ZFPM2: variants seen among roughly 807,000 people sequenced by gnomAD.
ZFPM2 encodes zinc finger protein ZFPM2.
Under a neutral mutation model 98.6 loss-of-function variants are expected in ZFPM2, and 20 were observed. The ratio of observed to expected loss-of-function variants is 0.20; its 90% CI spans 0.14 to 0.29. ZFPM2 has a LOEUF of 0.29. ZFPM2 is among the 10% of genes least tolerant of loss of function. The pLI is 1.00. For synonymous variants in ZFPM2, 518 were observed against 502.7 expected, an observed-to-expected ratio of 1.03 and a Z score of -0.41; for missense variants, 1,310 against 1,388.6, an observed-to-expected ratio of 0.94 and a Z score of 0.90.
chr8:105,579,732 T>A (rs1445101746), intron 4 of ZFPM2, among the ~76,000 whole-genome samples: 1 of 152,140 alleles, frequency 6.6e-6, no homozygotes, highest in East Asian at 1.9e-4. Context: ...TTTGCGTAAA[T>A]CCCCTTAGTG....
chr8:105,493,737 T>G (rs1813401687), intron 3 of ZFPM2, among the ~76,000 whole-genome samples: 1 of 152,192 alleles, frequency 6.6e-6, no homozygotes. Context: ...GACAAGCAGT[T>G]AATCTGTCCA....
At chr8:105,616,781 G>A (rs1478117423) in intron 4 of ZFPM2, 6 of 258,094 alleles carry the variant, frequency 2.3e-5, no homozygotes, top group Non-Finnish European at 4.6e-5. Context: ...ACTTTGGGAG[G>A]CCCAGGCGGG....
At chr8:105,658,800 T>C (rs550732239) in intron 5 of ZFPM2, among the ~76,000 whole-genome samples, 2 of 152,214 alleles carry the variant, frequency 1.3e-5, no homozygotes, top group Admixed American at 1.3e-4. Flanking sequence ...TTAATTGCCT[T>C]CCACAAAGCA....
intron 5 of ZFPM2, among the ~76,000 whole-genome samples, chr8:105,756,307 C>T (rs1812596081): frequency 6.6e-6 from 1 of 152,210 alleles, no homozygotes; most frequent in African/African-American, 2.4e-5. Context: ...CCACAGACTT[C>T]TCAGGGGTTG....
At chr8:105,324,954 G>A (rs1812088503) in intron 1 of ZFPM2, among the ~76,000 whole-genome samples, 1 of 151,902 alleles carries the variant, frequency 6.6e-6, no homozygotes, top group Admixed American at 6.6e-5. Context: ...TTTCTTAAAT[G>A]TAATCTTTGT....
chr8:105,444,314 A>G lies in ZFPM2; in HGVS notation c.234A>G (p.Ser78=). ...DDEGIQETAE[S]DGDTQSEKPG... Reference sequence around the variant, plus strand: ...AAGGAATCCAGGAGACAGCAGAATCAGATGGGGACACACAGTCAGAGAAAC... The same window carrying G: ...AAGGAATCCAGGAGACAGCAGAATCGGATGGGGACACACAGTCAGAGAAAC... The change falls in exon 3 of 8, where the codon TCA becomes TCG. Residue 78 remains serine, a synonymous_variant. Transcript: ENST00000407775. The G allele has an allele frequency of 6.2e-7, 1 of 1,612,294 alleles. No homozygotes were observed. The highest frequency in any genetic ancestry group is 8.5e-7 in the Non-Finnish European group (1 of 1,179,184).
At chr8:105,506,855 G>A (rs1007961579) in intron 3 of ZFPM2, among the ~76,000 whole-genome samples, 2 of 151,564 alleles carry the variant, frequency 1.3e-5, no homozygotes, top group Non-Finnish European at 3.0e-5. Flanking sequence ...AGGTGTAGTG[G>A]CGGGTGCCTG....
chr8:105,720,793 C>G (rs1459269159), intron 5 of ZFPM2, among the ~76,000 whole-genome samples: 1 of 151,830 alleles, frequency 6.6e-6, no homozygotes, highest in Non-Finnish European at 1.5e-5. Flanking sequence ...GCTCTATCAC[C>G]TGGATGAAAT....
At position 105,330,569 on chromosome 8, in the gene ZFPM2, C is replaced by CAT. The variant is rs56134125; in HGVS notation, c.40+11598_40+11599dup. ...ATATATATACATATATATATATATA[C>CAT]ATATATATATACATATATATATATA... On this transcript the variant is annotated intron_variant, in intron 1 of 7. Transcript: ENST00000407775. Among the ~76,000 whole-genome samples, 513 of 52,636 alleles carry CAT rather than the reference C, an allele frequency of 9.7e-3. 7 individuals are homozygous for CAT. The highest frequency in any genetic ancestry group is 0.026 in the African/African-American group (468 of 17,686). 34.5% of individuals were successfully genotyped at this position (52,636 alleles called of 152,430 possible). A position where few individuals can be genotyped will look rare whatever the true frequency, so the allele number is the denominator to read the frequency against.
At chr8:105,385,096 T>C (rs1810957326) in intron 1 of ZFPM2, among the ~76,000 whole-genome samples, 1 of 152,204 alleles carries the variant, frequency 6.6e-6, no homozygotes, top group Non-Finnish European at 1.5e-5. Flanking sequence ...AGGCAGTCTG[T>C]AGCAGACTAT....
chr8:105,698,389 C>A (rs946669801), intron 5 of ZFPM2, among the ~76,000 whole-genome samples: 2 of 152,178 alleles, frequency 1.3e-5, no homozygotes, highest in African/African-American at 4.8e-5. Context: ...TCAACATATT[C>A]AAAGCTCCAA....
chr8:105,589,351 G>A (rs1012488004), intron 4 of ZFPM2, among the ~76,000 whole-genome samples: 1 of 152,102 alleles, frequency 6.6e-6, no homozygotes, highest in Non-Finnish European at 1.5e-5. Flanking sequence ...GCGTCAACAA[G>A]GAAGCTACCT....
chr8:105,517,741 A>C (rs1440552140), intron 3 of ZFPM2, among the ~76,000 whole-genome samples: 63 of 141,508 alleles, frequency 4.5e-4, no homozygotes, highest in Non-Finnish European at 3.3e-4. Context: ...ACACACACAC[A>C]CCCCTAGTTG....
rs765282505 is a variant in ZFPM2, at chr8:105,802,201, C to G, written c.2119C>G (p.Gln707Glu). The G allele has an allele frequency of 2.8e-5, 45 of 1,613,836 alleles. No homozygotes were observed. The highest frequency in any genetic ancestry group is 6.7e-5 in the Admixed American group (4 of 60,000). ...SRHETYMVHKQYYCATRHDPP... is the reference protein window; with the variant it reads ...SRHETYMVHKEYYCATRHDPP... Reference sequence around the variant, plus strand: ...GCACGAAACATACATGGTCCACAAACAGTATTACTGTGCTACACGCCACGA... The same window carrying G: ...GCACGAAACATACATGGTCCACAAAGAGTATTACTGTGCTACACGCCACGA... The change falls in exon 8 of 8, where the codon CAG becomes GAG. Residue 707 changes from glutamine to glutamate, a missense_variant. Transcript: ENST00000407775.
intron 1 of ZFPM2, among the ~76,000 whole-genome samples, chr8:105,366,068 C>A (rs2129785423): frequency 6.6e-6 from 1 of 152,178 alleles, no homozygotes; most frequent in South Asian, 2.1e-4. Context: ...GGTTAAAATC[C>A]AAGCACTATT....
intron 4 of ZFPM2, among the ~76,000 whole-genome samples, chr8:105,624,919 G>A (rs1367317438): frequency 1.3e-5 from 2 of 152,084 alleles, no homozygotes; most frequent in Non-Finnish European, 2.9e-5. Context: ...CACTCATTTT[G>A]TTTTTGAAAA....
At chr8:105,792,954 C>G (rs1211779805) in intron 6 of ZFPM2, among the ~76,000 whole-genome samples, 1 of 152,110 alleles carries the variant, frequency 6.6e-6, no homozygotes, top group African/African-American at 2.4e-5. Context: ...CTTCCTCCAT[C>G]CTTTTATTTT....
intron 3 of ZFPM2, among the ~76,000 whole-genome samples, chr8:105,451,172 CA>C (rs1304194074): frequency 2.0e-5 from 3 of 152,052 alleles, no homozygotes; most frequent in Non-Finnish European, 4.4e-5. Flanking sequence ...AATTTGTTTA[CA>C]TAAGTTAAAT....
At chr8:105,538,296 C>A (rs187801807) in intron 3 of ZFPM2, among the ~76,000 whole-genome samples, 37 of 152,182 alleles carry the variant, frequency 2.4e-4, no homozygotes, top group African/African-American at 8.2e-4. Flanking sequence ...AGAAACTATA[C>A]CCCTAAGGTA....
Sources: allele counts gnomAD v4.1 joint callset (sites outside exome capture counted in the v4.1 genomes callset), GRCh38; gene constraint gnomAD v4.1.1; transcripts MANE v1.5; gene names NCBI Gene and HGNC (gene_info 2026-07-23, HGNC 2026-07-21).